LBHD1: variants seen among roughly 807,000 people sequenced by gnomAD.
The protein encoded by LBHD1 is LBH domain containing 1, also known as LBH domain-containing protein 1.
LBHD1 carries 28 observed loss-of-function variants against 31.1 expected under a neutral mutation model. The ratio of observed to expected loss-of-function variants is 0.90; its 90% CI spans 0.67 to 1.24. LBHD1 has a LOEUF of 1.24. Among genes scored for constraint, LBHD1 ranks in the 50% most tolerant of loss-of-function variants. The probability of loss-of-function intolerance (pLI) is 0.00; values close to 1 mark genes in which losing one functional copy is unlikely to be tolerated. For synonymous variants in LBHD1, 105 were observed against 116.5 expected (o/e 0.90, Z 0.63); for missense variants, 350 against 323.0 (o/e 1.08, Z -0.64).
Position 62,671,815 on chromosome 11 carries a change from C to T in LBHD1, c.-262G>A, listed in dbSNP as rs1944950767. On this transcript the variant is annotated 5_prime_UTR_variant, in exon 1 of 7. Transcript: ENST00000354588. ...CGCAGGGGCTGGCGTGGGCTACGCG[C>T]TCCTCGTTATCGTGACCCCGGGAGA... 4 of 1,614,172 alleles carry T rather than the reference C, an allele frequency of 2.5e-6. No homozygotes were observed. Among genetic ancestry groups the T allele is most frequent in the Non-Finnish European group, 3.4e-6 (4 of 1,180,036 alleles).
intron 4 of LBHD1, chr11:62,665,612 C>T: frequency 6.4e-7 from 1 of 1,556,166 alleles, no homozygotes; most frequent in Non-Finnish European, 8.6e-7. Flanking sequence ...CTGGCTCCTC[C>T]ATCGGGGTGC....
At chr11:62,666,727 C>G in intron 4 of LBHD1, 1 of 1,614,112 alleles carries the variant, frequency 6.2e-7, no homozygotes, top group African/African-American at 1.3e-5. Context: ...GCCCTGGACA[C>G]CCTGCCTCAA....
At chr11:62,666,577 C>A (rs1221121955) in intron 4 of LBHD1, 5 of 1,614,066 alleles carry the variant, frequency 3.1e-6, no homozygotes, top group Non-Finnish European at 4.2e-6. Context: ...TGGATGTGGG[C>A]TGTGGGACTT....
intron 4 of LBHD1, chr11:62,665,864 T>C: frequency 1.2e-6 from 2 of 1,612,320 alleles, no homozygotes; most frequent in South Asian, 1.1e-5. Flanking sequence ...CTGGTCGAAC[T>C]TACCCGAATC....
rs776650281 is a variant in LBHD1 at position 62,672,139 on chromosome 11, C to G, written c.-586G>C. The G allele has an allele frequency of 6.5e-7, 1 of 1,549,676 alleles. No individual in the cohort carries two copies. On this transcript the variant is annotated 5_prime_UTR_variant, in exon 1 of 7. Coordinates refer to ENST00000354588, the MANE Select transcript of LBHD1 (RefSeq NM_024099.5). ...AGACCGGACTTGCCTCCGTGGGCGC[C>G]GGACCTTGGCTTGGGCGCAGGAATC...
intron 3 of LBHD1, chr11:62,668,005 G>A (rs1437715060): frequency 7.9e-6 from 3 of 378,370 alleles, no homozygotes; most frequent in East Asian, 4.1e-5. Context: ...GGAGGTCAAA[G>A]CTGCAATGGG....
In LBHD1 at chr11:62,665,639, G is replaced by C. The variant is rs554404678; in HGVS notation, c.539-666C>G. 1.7e-5 allele frequency: 26 copies of C among 1,519,316 alleles called. No homozygotes were observed. The East Asian group carries it at 5.4e-4, about 32-fold the overall frequency. 94.1% of individuals were successfully genotyped at this position (1,519,316 alleles called of 1,614,324 possible). A position where few individuals can be genotyped will look rare whatever the true frequency, so the allele number is the denominator to read the frequency against. On this transcript the variant is annotated intron_variant, in intron 4 of 6. Coordinates refer to ENST00000354588, the MANE Select transcript of LBHD1 (RefSeq NM_024099.5). ...TCGGGGTGCTCACACTTTCTCATTT[G>C]ATTTCAGGTCTGCGGACGCTGTATA... is the stretch of plus-strand genomic sequence containing the variant.
Position 62,672,219 on chromosome 11 carries a change from T to C in LBHD1, c.-666A>G, listed in dbSNP as rs1383597298. On this transcript the variant is annotated 5_prime_UTR_variant, in exon 1 of 7. An upstream start codon of the reference 5' UTR is lost. Transcript: ENST00000354588. The stretch of plus-strand genomic sequence containing the variant: ...GCGGAGAGTCCGGACCGAGATACCA[T>C]GCCAGGACTCTCCGGGGTCCTGTGA... The C allele has an allele frequency of 1.7e-6, 2 of 1,189,864 alleles. No individual in the cohort carries two copies. The highest frequency in any genetic ancestry group is 2.3e-6 in the Non-Finnish European group (2 of 853,622). The allele number at this position is 1,189,864 out of a possible 1,614,324, so 73.7% of individuals were successfully genotyped here. A position where few individuals can be genotyped will look rare whatever the true frequency, so the allele number is the denominator to read the frequency against.
rs1944911453 is a variant in LBHD1 at position 62,670,052 on chromosome 11, A to G, written c.-10-11T>C. Reference sequence around the variant, plus strand: ...GCCATGGTGGTGATTCTTAGAGTGCAAGATGATTGAACTCAGAGGAGAGTA... The same window carrying G: ...GCCATGGTGGTGATTCTTAGAGTGCGAGATGATTGAACTCAGAGGAGAGTA... On this transcript the variant is annotated splice_polypyrimidine_tract_variant and intron_variant, in intron 1 of 6. Transcript: ENST00000354588. 3.1e-6 allele frequency: 5 copies of G among 1,593,406 alleles called. No individual in the cohort carries two copies. In the East Asian group the frequency reaches 1.1e-4, roughly 36 times the overall value.
chr11:62,662,829 G>A lies in LBHD1; in HGVS notation c.*300C>T, dbSNP rs545071343. ...AATCACACACATCTCAGAGTGCTAG[G>A]GCTTTATTACAAATGGAGTTGACTG... On this transcript the variant is annotated 3_prime_UTR_variant, in exon 7 of 7. Transcript: ENST00000354588. 1.4e-4 allele frequency: 77 copies of A among 555,764 alleles called. 1 individual carries two copies. In the South Asian group the frequency reaches 1.5e-3, roughly 11 times the overall value. The allele number at this position is 555,764 out of a possible 1,614,324, so 34.4% of individuals were successfully genotyped here.
chr11:62,666,282 C>G, intron 4 of LBHD1: 1 of 1,101,250 alleles, frequency 9.1e-7, no homozygotes. Context: ...TGTACTCAAC[C>G]CTGGGTCACA....
chr11:62,667,224 G>A (rs1385983500), intron 4 of LBHD1: 2 of 692,986 alleles, frequency 2.9e-6, no homozygotes, highest in Non-Finnish European at 4.8e-6. Context: ...CATCTGCAGA[G>A]TGAGAATAAC....
chr11:62,665,363 T>G, intron 4 of LBHD1: 1 of 920,508 alleles, frequency 1.1e-6, no homozygotes, highest in Non-Finnish European at 1.7e-6. Context: ...AGTAGCCAGA[T>G]TGGGCGGCCG....
chr11:62,670,693 C>G (rs1226973759), intron 1 of LBHD1: 1 of 152,210 alleles, frequency 6.6e-6, no homozygotes, highest in Admixed American at 6.6e-5. Context: ...GGGCGGATCA[C>G]GAGGTCAGGA....
chr11:62,665,614 T>C (rs1944785441), intron 4 of LBHD1: 2 of 1,553,722 alleles, frequency 1.3e-6, no homozygotes, highest in Non-Finnish European at 1.7e-6. Context: ...GGCTCCTCCA[T>C]CGGGGTGCTC....
At chr11:62,666,419 G>C (rs200714842) in intron 4 of LBHD1, 1 of 1,611,088 alleles carries the variant, frequency 6.2e-7, no homozygotes, top group Non-Finnish European at 8.5e-7. Flanking sequence ...TAGTTGCCTG[G>C]CGGACCGCTG....
chr11:62,663,693 CAAA>C (rs552135889), intron 5 of LBHD1, among the ~76,000 whole-genome samples: 3 of 60,122 alleles, frequency 5.0e-5, no homozygotes, highest in African/African-American at 5.8e-5. Context: ...GACTCCGTCT[CAAA>C]AAAAAAAAAA....
At chr11:62,667,113 C>T in intron 4 of LBHD1, 1 of 1,477,564 alleles carries the variant, frequency 6.8e-7, no homozygotes, top group East Asian at 2.3e-5. Context: ...GAAGAACTGT[C>T]TTTGCAAGCT....
chr11:62,664,323 ATTCT>A (rs1285402391), intron 5 of LBHD1, among the ~76,000 whole-genome samples: 7 of 124,058 alleles, frequency 5.6e-5, no homozygotes, highest in Admixed American at 2.8e-4. Context: ...ATTTCCTGAT[ATTCT>A]TTTTTTTTTT....
Sources: allele counts gnomAD v4.1 joint callset (sites outside exome capture counted in the v4.1 genomes callset), GRCh38; gene constraint gnomAD v4.1.1; transcripts MANE v1.5; gene names NCBI Gene and HGNC (gene_info 2026-07-23, HGNC 2026-07-21).